The following ARHGAP42 variants were observed in gnomAD, a reference collection of about 807,000 sequenced individuals.
The protein encoded by ARHGAP42 is rho GTPase-activating protein 42.
A neutral mutation model predicts 125.0 loss-of-function variants in ARHGAP42; 63 were observed. That is an observed-to-expected ratio of 0.50 (90% CI 0.41 to 0.62). The LOEUF (loss-of-function observed/expected upper bound fraction) is 0.62. ARHGAP42 is among the 20% of genes least tolerant of loss of function. The pLI, the probability that ARHGAP42 is intolerant of heterozygous loss-of-function variation, is 0.00. For missense variants in ARHGAP42, 766 were observed against 1,024.2 expected, an observed-to-expected ratio of 0.75 and a Z score of 3.44; for synonymous variants, 339 against 351.0, an observed-to-expected ratio of 0.97 and a Z score of 0.38.
At chr11:100,885,123 C>T (rs187669657) in intron 4 of ARHGAP42, among the ~76,000 whole-genome samples, 18 of 152,278 alleles carry the variant, frequency 1.2e-4, no homozygotes, top group African/African-American at 2.2e-4. Flanking sequence ...ATGTATATTC[C>T]GATCTGACCC....
intron 1 of ARHGAP42, among the ~76,000 whole-genome samples, chr11:100,692,582 T>C (rs1262190457): frequency 6.6e-6 from 1 of 152,192 alleles, no homozygotes; most frequent in Non-Finnish European, 1.5e-5. Flanking sequence ...GCTTTATTTG[T>C]TTATTACTCG....
intron 3 of ARHGAP42, among the ~76,000 whole-genome samples, chr11:100,832,149 G>A (rs772397737): frequency 1.7e-4 from 26 of 152,316 alleles, no homozygotes; most frequent in Non-Finnish European, 3.8e-4. Flanking sequence ...GTTGAGCAAT[G>A]GCATCCCAGT....
intron 3 of ARHGAP42, among the ~76,000 whole-genome samples, chr11:100,858,086 G>GGTGT (rs201861404): frequency 0.047 from 5,115 of 108,930 alleles, 233 homozygotes; most frequent in African/African-American, 0.12. Context: ...TCTGGATAGG[G>GGTGT]GTGTGTGTGT....
At chr11:100,778,175 A>C (rs1863175906) in intron 2 of ARHGAP42, among the ~76,000 whole-genome samples, 1 of 151,960 alleles carries the variant, frequency 6.6e-6, no homozygotes, top group Admixed American at 6.6e-5. Context: ...CCTGTCTCTT[A>C]AGAAAAAAAA....
At chr11:100,792,043 C>A (rs547570569) in intron 2 of ARHGAP42, among the ~76,000 whole-genome samples, 1 of 152,254 alleles carries the variant, frequency 6.6e-6, no homozygotes, top group South Asian at 2.1e-4. Flanking sequence ...TTAGGGGAAG[C>A]CTGTGGACTT....
chr11:100,717,636 CAAAAAAAAAA>C, intron 1 of ARHGAP42, among the ~76,000 whole-genome samples: 1 of 69,100 alleles, frequency 1.4e-5, no homozygotes, highest in Non-Finnish European at 2.9e-5. Flanking sequence ...GACTCCGTCT[CAAAAAAAAAA>C]AAAAAAAAAA....
chr11:100,878,729 C>G (rs116627265), intron 4 of ARHGAP42, among the ~76,000 whole-genome samples: 5 of 152,178 alleles, frequency 3.3e-5, no homozygotes, highest in Admixed American at 3.3e-4. Flanking sequence ...ATCCTCTCCC[C>G]GCCAAATTAT....
intron 4 of ARHGAP42, among the ~76,000 whole-genome samples, chr11:100,863,437 C>A (rs534614415): frequency 6.6e-6 from 1 of 152,298 alleles, no homozygotes; most frequent in East Asian, 1.9e-4. Context: ...TGCCTAACAA[C>A]CAGATGATAC....
intron 7 of ARHGAP42, 56 bp from the exon 8 acceptor site, chr11:100,936,147 G>C: frequency 6.5e-7 from 1 of 1,538,538 alleles, no homozygotes. Flanking sequence ...TAGTCTGGAT[G>C]TTGCTGAAAC....
At chr11:100,776,735 C>T (rs975479345) in intron 2 of ARHGAP42, among the ~76,000 whole-genome samples, 1 of 152,064 alleles carries the variant, frequency 6.6e-6, no homozygotes, top group East Asian at 1.9e-4. Flanking sequence ...CCAGCACTAG[C>T]ACTTTAGGAG....
intron 3 of ARHGAP42, among the ~76,000 whole-genome samples, chr11:100,855,412 T>C (rs1267699555): frequency 1.3e-5 from 2 of 152,098 alleles, no homozygotes; most frequent in Admixed American, 1.3e-4. Context: ...TTAAGAGACA[T>C]ACCTTTCAGA....
At chr11:100,980,559 C>CTTCTTCTTTTTTTTTTTTTTTTTT (rs1555037006) in intron 22 of ARHGAP42, among the ~76,000 whole-genome samples, 1 of 51,962 alleles carries the variant, frequency 1.9e-5, no homozygotes. Flanking sequence ...TTTTCTTCTT[C>CTTCTTCTTTTTTTTTTTTTTTTTT]TTTTTTTTTT....
chr11:100,841,195 G>A (rs1016451050), intron 3 of ARHGAP42, among the ~76,000 whole-genome samples: 5 of 152,170 alleles, frequency 3.3e-5, no homozygotes, highest in Non-Finnish European at 5.9e-5. Context: ...CTTTCACCCT[G>A]GAAAGAAGTT....
chr11:100,820,893 G>A (rs1288063427), intron 3 of ARHGAP42, among the ~76,000 whole-genome samples: 1 of 151,300 alleles, frequency 6.6e-6, no homozygotes, highest in Admixed American at 6.6e-5. Flanking sequence ...TGCAACGACC[G>A]GAAATGTTTT....
At chr11:100,876,439 C>T (rs1212388432) in intron 4 of ARHGAP42, among the ~76,000 whole-genome samples, 2 of 152,248 alleles carry the variant, frequency 1.3e-5, no homozygotes, top group African/African-American at 4.8e-5. Context: ...CAATCAGATG[C>T]TTTTATTTAG....
chr11:100,984,976 C>A (rs1264867563), intron 22 of ARHGAP42, among the ~76,000 whole-genome samples: 2 of 152,236 alleles, frequency 1.3e-5, no homozygotes, highest in East Asian at 3.9e-4. Context: ...AAAATTCCGT[C>A]TAGTCAGTGC....
At chr11:100,813,993 C>G (rs7941596) in intron 3 of ARHGAP42, among the ~76,000 whole-genome samples, 29,538 of 151,878 alleles carry the variant, frequency 0.19, 3,481 homozygotes, top group African/African-American at 0.33. Context: ...GAGATCAAGA[C>G]CATACTGGCC....
intron 2 of ARHGAP42, among the ~76,000 whole-genome samples, chr11:100,781,461 G>T (rs537227787): frequency 6.6e-6 from 1 of 152,094 alleles, no homozygotes; most frequent in South Asian, 2.1e-4. Flanking sequence ...AGTCACATGG[G>T]TACTAGAACC....
At chr11:100,818,044 T>A (rs1864310982) in intron 3 of ARHGAP42, among the ~76,000 whole-genome samples, 1 of 152,252 alleles carries the variant, frequency 6.6e-6, no homozygotes, top group Admixed American at 6.5e-5. Context: ...TCCAATAGTC[T>A]GAGGCCAGAT....
Sources: gnomAD v4.1 joint callset for allele counts (sites outside exome capture counted in the v4.1 genomes callset) on GRCh38, gnomAD v4.1.1 for gene constraint, MANE v1.5 for transcripts, NCBI Gene and HGNC (gene_info 2026-07-23, HGNC 2026-07-21) for gene names.